The following CTRC variants were observed in gnomAD, a reference collection of about 807,000 sequenced individuals.
CTRC encodes the protein chymotrypsin C, also known as chymotrypsin-C.
CTRC carries 32 observed loss-of-function variants against 35.7 expected under a neutral mutation model. The ratio of observed to expected loss-of-function variants is 0.90; its 90% CI spans 0.68 to 1.20. The LOEUF (loss-of-function observed/expected upper bound fraction) is 1.20. CTRC is among the 50% of genes most tolerant of loss of function. The pLI is 0.00. For synonymous variants in CTRC, 119 were observed against 149.5 expected (o/e 0.80, Z 1.49); for missense variants, 324 against 361.5 (o/e 0.90, Z 0.84).
At chr1:15,441,851 T>G (rs1708137859) in intron 3 of CTRC, among the ~76,000 whole-genome samples, 1 of 152,036 alleles carries the variant, frequency 6.6e-6, no homozygotes, top group Non-Finnish European at 1.5e-5. Context: ...CTAATTTTTC[T>G]TCTTGTTTTT....
At chr1:15,440,693 C>A in intron 3 of CTRC, 103 bp downstream of exon 3, 1 of 984,448 alleles carries the variant, frequency 1.0e-6, no homozygotes, top group Non-Finnish European at 1.6e-6. Context: ...CACTGGGCTA[C>A]ATAATCTACT....
chr1:15,440,709 C>G, intron 3 of CTRC, 119 bp downstream of exon 3: 1 of 850,464 alleles, frequency 1.2e-6, no homozygotes, highest in Non-Finnish European at 1.9e-6. Flanking sequence ...CTACTCACAC[C>G]CAGTAACTCA....
chr1:15,441,008 C>G (rs61780991), intron 3 of CTRC, among the ~76,000 whole-genome samples: 5 of 152,020 alleles, frequency 3.3e-5, no homozygotes, highest in African/African-American at 7.2e-5. Context: ...AGTGAAACCC[C>G]GTCTCTACCG....
chr1:15,445,326 G>A (rs1708199997), intron 6 of CTRC, among the ~76,000 whole-genome samples: 1 of 152,158 alleles, frequency 6.6e-6, no homozygotes, highest in Non-Finnish European at 1.5e-5. Flanking sequence ...AACAGCTAGG[G>A]AAACTGAGGC....
intron 4 of CTRC, 112 bp from the exon 5 acceptor site, chr1:15,443,307 G>A: frequency 8.0e-7 from 1 of 1,251,588 alleles, no homozygotes; most frequent in East Asian, 2.3e-5. Context: ...TGTTTGTGAA[G>A]GACCCCTGAG....
Position 15,445,346 on chromosome 1 carries a change from A to C in CTRC, c.640-251A>C, listed in dbSNP as rs115229637. On this transcript the variant is annotated intron_variant, in intron 6 of 7. Coordinates refer to ENST00000375949, the MANE Select transcript of CTRC (RefSeq NM_007272.3). The stretch of plus-strand genomic sequence containing the variant: ...CTAGGGAAACTGAGGCACGGAGAGG[A>C]TTAACATCATCCCAAGATCACACAG... Among the ~76,000 whole-genome samples the C allele has an allele frequency of 7.5e-3, 1,143 of 152,234 alleles. 11 individuals carry two copies. The highest frequency in any genetic ancestry group is 0.026 in the African/African-American group (1,069 of 41,534).
Position 15,438,505 on chromosome 1 carries a change from G to A in CTRC, c.40+1G>A, listed in dbSNP as rs1708076439. ...GTCCTCGCTGCGCTCTTGGCCTGTG[G>A]TAAGCGGTGGGGTGGGGCTGCAGCT... On this transcript the variant is annotated splice_donor_variant, in intron 1 of 7. Transcript: ENST00000375949. LOFTEE classifies it high-confidence loss of function. The A allele has an allele frequency of 6.2e-7, 1 of 1,613,922 alleles. No individual in the cohort carries two copies. Among genetic ancestry groups the A allele is most frequent in the Non-Finnish European group, 8.5e-7 (1 of 1,180,020 alleles).
intron 7 of CTRC, 64 bp downstream of exon 7, chr1:15,445,813 C>T: frequency 5.7e-6 from 9 of 1,576,882 alleles, no homozygotes; most frequent in Non-Finnish European, 7.8e-6. Context: ...CACCCATCCC[C>T]TCACTCATTC....
intron 7 of CTRC, 44 bp from the exon 8 acceptor site, chr1:15,446,531 G>T: frequency 1.2e-6 from 2 of 1,612,606 alleles, no homozygotes; most frequent in Non-Finnish European, 1.7e-6. Context: ...ACCCTAGAAG[G>T]TGGCACAGCC....
chr1:15,442,968 A>G (rs76827641), intron 4 of CTRC, among the ~76,000 whole-genome samples: 3,720 of 152,352 alleles, frequency 0.024, 69 homozygotes, highest in African/African-American at 0.047. Flanking sequence ...GTCCCAGGCC[A>G]CACAGCCCAC....
chr1:15,442,347 C>G, intron 3 of CTRC, 100 bp from the exon 4 acceptor site: 1 of 1,440,604 alleles, frequency 6.9e-7, no homozygotes, highest in Non-Finnish European at 9.5e-7. Flanking sequence ...ACACTCTCTT[C>G]CCCCAAAATG....
In CTRC at chr1:15,440,302, T is replaced by A; in HGVS notation, c.43T>A (p.Ser15Thr). 7.5e-7 allele frequency: 1 copy of A among 1,331,876 alleles called. No individual in the cohort carries two copies. Among genetic ancestry groups the A allele is most frequent in the Non-Finnish European group, 9.8e-7 (1 of 1,017,068 alleles). The allele number at this position is 1,331,876 out of a possible 1,614,324, so 82.5% of individuals were successfully genotyped here. ...TVLAALLACA[S>T]SCGVPSFPPN... ...CTTCTGGCCTCCTGTCTCCCCAGCC[T>A]CCAGCTGTGGGGTGCCCAGCTTCCC... Residue 15 changes from serine (S) to threonine (T), a missense_variant and splice_region_variant, in exon 2 of 8, where the codon TCC becomes ACC. Ser to Thr is a moderately conservative substitution (Grantham distance 58, BLOSUM62 1). Transcript: ENST00000375949.
At chr1:15,445,508 C>A in intron 6 of CTRC, 89 bp from the exon 7 acceptor site, 1 of 1,426,756 alleles carries the variant, frequency 7.0e-7, no homozygotes, top group Non-Finnish European at 9.8e-7. Context: ...GAGAAGCCAA[C>A]CCACATCCCC....
chr1:15,439,323 G>C (rs956863322), intron 1 of CTRC, among the ~76,000 whole-genome samples: 1 of 151,666 alleles, frequency 6.6e-6, no homozygotes, highest in East Asian at 1.9e-4. Flanking sequence ...CTACTCAGAA[G>C]GCTGAGGCAG....
intron 5 of CTRC, 90 bp from the exon 6 acceptor site, chr1:15,444,516 T>C: frequency 1.3e-6 from 2 of 1,523,876 alleles, no homozygotes; most frequent in Non-Finnish European, 1.8e-6. Context: ...CCCTGGGTCC[T>C]GTCCCAGGCA....
intron 3 of CTRC, 85 bp from the exon 4 acceptor site, chr1:15,442,362 C>G (rs1247055065): frequency 9.3e-6 from 14 of 1,511,096 alleles, no homozygotes; most frequent in Non-Finnish European, 1.2e-5. Flanking sequence ...AAAATGAGTC[C>G]CACTAAAGCC....
rs1708166822 is a variant in CTRC, at chr1:15,443,507, C to T, written c.445C>T (p.Leu149Phe). 6.2e-7 allele frequency: 1 copy of T among 1,614,230 alleles called. No individual in the cohort carries two copies. The highest frequency in any genetic ancestry group is 8.5e-7 in the Non-Finnish European group (1 of 1,180,040). ...CTGCCTGCCAGAGAAGGACTCCCTG[C>T]TCCCCAAGGACTACCCCTGCTATGT... The part of the protein sequence containing the change: ...VACLPEKDSL[L>F]PKDYPCYVTG... The change falls in exon 5 of 8, where the codon CTC becomes TTC. Residue 149 changes from leucine to phenylalanine, a missense_variant. By Grantham distance (22) the Leu-to-Phe change is conservative. Transcript: ENST00000375949.
chr1:15,440,801 C>T (rs1015582293), intron 3 of CTRC, among the ~76,000 whole-genome samples: 2 of 152,144 alleles, frequency 1.3e-5, no homozygotes, highest in African/African-American at 4.8e-5. Flanking sequence ...TCTGTGCTCT[C>T]GGGAAGCTTA....
intron 7 of CTRC, among the ~76,000 whole-genome samples, chr1:15,446,082 G>T (rs1390613650): frequency 1.3e-5 from 2 of 152,088 alleles, no homozygotes; most frequent in East Asian, 1.9e-4. Context: ...ATTCATTCAT[G>T]CACTTCTTCA....
Sources: gnomAD v4.1 joint callset for allele counts (sites outside exome capture counted in the v4.1 genomes callset) on GRCh38, gnomAD v4.1.1 for gene constraint, MANE v1.5 for transcripts, NCBI Gene and HGNC (gene_info 2026-07-23, HGNC 2026-07-21) for gene names.